Variants in PLXNA2 observed in about 807,000 individuals in gnomAD.
PLXNA2 encodes plexin A2, also known as plexin-A2.
A neutral mutation model predicts 193.5 loss-of-function variants in PLXNA2; 91 were observed. The ratio of observed to expected loss-of-function variants is 0.47; its 90% CI spans 0.40 to 0.56. The LOEUF (loss-of-function observed/expected upper bound fraction) is 0.56. Among genes scored for constraint, PLXNA2 ranks in the 20% least tolerant of loss-of-function variants. The probability of loss-of-function intolerance (pLI) is 0.00; values close to 1 mark genes in which losing one functional copy is unlikely to be tolerated. For missense variants in PLXNA2, 1,995 were observed against 2,503.2 expected, an observed-to-expected ratio of 0.80 and a Z score of 4.33; for synonymous variants, 997 against 1,027.3, an observed-to-expected ratio of 0.97 and a Z score of 0.56.
At chr1:208,179,127 G>A (rs943417780) in intron 3 of PLXNA2, among the ~76,000 whole-genome samples, 2 of 152,172 alleles carry the variant, frequency 1.3e-5, no homozygotes, top group Admixed American at 6.5e-5. Context: ...CCTGTGGGTG[G>A]TTATGGGGAG....
rs559261021 is a variant in PLXNA2, at chr1:208,082,552, A to G, written c.2299-44T>C. On this transcript the variant is annotated intron_variant, in intron 10 of 31. Transcript: ENST00000367033. The surrounding 1 kb of genome is among the most constrained non-coding windows in gnomAD (Gnocchi z 4.2). ...AGGCATGGGGCTCATGTGGCTCTCT[A>G]TCACAGGGGTCAGGGATGCAGACAA... The G allele has an allele frequency of 7.1e-7, 1 of 1,398,796 alleles. No individual in the cohort carries two copies. The highest frequency in any genetic ancestry group is 2.3e-5 in the East Asian group (1 of 43,642). 86.6% of individuals were successfully genotyped at this position (1,398,796 alleles called of 1,614,324 possible).
At chr1:208,212,873 C>T (rs142042703) in intron 2 of PLXNA2, among the ~76,000 whole-genome samples, 130 of 152,376 alleles carry the variant, frequency 8.5e-4, no homozygotes, top group African/African-American at 3.0e-3. Context: ...CCTTTCTCTA[C>T]TGAAACCAGC....
At chr1:208,065,894 T>A (rs1270052810) in intron 12 of PLXNA2, among the ~76,000 whole-genome samples, 1 of 152,204 alleles carries the variant, frequency 6.6e-6, no homozygotes, top group African/African-American at 2.4e-5. Context: ...CCCTCCCTTG[T>A]GGCCATTTCT....
intron 14 of PLXNA2, among the ~76,000 whole-genome samples, chr1:208,053,277 C>T (rs1665322060): frequency 6.6e-6 from 1 of 152,174 alleles, no homozygotes; most frequent in Non-Finnish European, 1.5e-5. Context: ...TCATTCTTTA[C>T]CCCTCTGTCA....
chr1:208,216,232 C>G (rs965085203), intron 2 of PLXNA2, among the ~76,000 whole-genome samples: 2 of 152,246 alleles, frequency 1.3e-5, no homozygotes, highest in South Asian at 2.1e-4. Context: ...GGAATGCTTT[C>G]TCTGGACACT....
intron 1 of PLXNA2, among the ~76,000 whole-genome samples, chr1:208,222,249 T>C (rs142833396): frequency 1.1e-3 from 166 of 152,350 alleles, no homozygotes; most frequent in African/African-American, 3.7e-3. Flanking sequence ...CTCTTAATAA[T>C]GATGCTTTCT....
chr1:208,158,825 T>C (rs1669016138), intron 3 of PLXNA2, among the ~76,000 whole-genome samples: 1 of 152,204 alleles, frequency 6.6e-6, no homozygotes, highest in Admixed American at 6.5e-5. Context: ...CTACAGGTGG[T>C]CTGAGCTGCC....
rs779366596 is a variant in PLXNA2, at chr1:208,042,217, G to A, written c.4167C>T (p.Leu1389=). The change falls in exon 22 of 32, where the codon CTC becomes CTT. Residue 1389 remains leucine, a synonymous_variant. Transcript: ENST00000367033. ...SMRDRGNVAS[L]IMTGLQGRLE... ...GGCGGCCCTGCAGGCCGGTCATGAT[G>A]AGCGAAGCCACGTTGCCCCGGTCGC... The A allele has an allele frequency of 5.6e-6, 9 of 1,614,116 alleles. No individual in the cohort carries two copies. The highest frequency in any genetic ancestry group is 7.6e-6 in the Non-Finnish European group (9 of 1,180,060).
intron 1 of PLXNA2, among the ~76,000 whole-genome samples, chr1:208,237,165 T>C (rs12739500): frequency 0.27 from 41,750 of 152,170 alleles, 6,289 homozygotes; most frequent in Middle Eastern, 0.38. Flanking sequence ...TTAGTATCCC[T>C]CTACCCTCTT....
intron 3 of PLXNA2, among the ~76,000 whole-genome samples, chr1:208,201,719 G>T (rs1670558446): frequency 1.3e-5 from 2 of 151,850 alleles, no homozygotes; most frequent in Non-Finnish European, 2.9e-5. Flanking sequence ...CAACAAATAT[G>T]CAAAGTGCTT....
chr1:208,032,105 A>G, intron 28 of PLXNA2: 7 of 985,434 alleles, frequency 7.1e-6, no homozygotes, highest in Non-Finnish European at 8.4e-6. Context: ...GCCAGTCCGG[A>G]AACAGTGTCC....
intron 3 of PLXNA2, among the ~76,000 whole-genome samples, chr1:208,176,570 G>A (rs1270127947): frequency 6.6e-6 from 1 of 152,210 alleles, no homozygotes; most frequent in African/African-American, 2.4e-5. Context: ...GTAAGGGGAT[G>A]CTGTCCAGGT....
intron 4 of PLXNA2, among the ~76,000 whole-genome samples, chr1:208,138,149 T>C (rs1317874817): frequency 6.6e-6 from 1 of 152,236 alleles, no homozygotes; most frequent in African/African-American, 2.4e-5. Context: ...TTACGATGAT[T>C]CAACTTATGG....
chr1:208,060,667 C>T lies in PLXNA2; in HGVS notation c.2738+19G>A, dbSNP rs562693906. ...CTCTGAAGCTCCCATGGGAAAAGGG[C>T]TGGCCAGGGCGGACTCACTGCTCAG... On this transcript the variant is annotated intron_variant, in intron 13 of 31. Transcript: ENST00000367033. The T allele has an allele frequency of 1.9e-6, 3 of 1,598,888 alleles. No individual in the cohort carries two copies. The Admixed American group carries it at 5.1e-5, about 27-fold the overall frequency.
intron 3 of PLXNA2, among the ~76,000 whole-genome samples, chr1:208,192,306 TG>T (rs1156753675): frequency 8.8e-6 from 1 of 113,008 alleles, no homozygotes; most frequent in Non-Finnish European, 1.8e-5. Context: ...GGTTTGGGGA[TG>T]GTGTGTGTGT....
chr1:208,235,273 CA>C (rs1259922349), intron 1 of PLXNA2, among the ~76,000 whole-genome samples: 3 of 152,182 alleles, frequency 2.0e-5, no homozygotes, highest in East Asian at 3.8e-4. Flanking sequence ...TATTCTTTAG[CA>C]TAGAGATTTT....
At chr1:208,096,926 G>A (rs1220938611) in intron 6 of PLXNA2, 43 bp from the exon 7 acceptor site, 1 of 1,583,280 alleles carries the variant, frequency 6.3e-7, no homozygotes, top group Admixed American at 1.8e-5. Context: ...AATGCCTCAG[G>A]AGACCTGGAC....
intron 3 of PLXNA2, among the ~76,000 whole-genome samples, chr1:208,171,101 T>C (rs1227804419): frequency 6.6e-6 from 1 of 152,162 alleles, no homozygotes; most frequent in Non-Finnish European, 1.5e-5. Flanking sequence ...CCAGGGGACA[T>C]AGATTAAAGG....
At chr1:208,110,225 T>A (rs1188232358) in intron 4 of PLXNA2, among the ~76,000 whole-genome samples, 1 of 152,166 alleles carries the variant, frequency 6.6e-6, no homozygotes, top group Non-Finnish European at 1.5e-5. Flanking sequence ...TCTTACTCCA[T>A]CCCCTTTGGC....
Sources: allele counts gnomAD v4.1 joint callset (sites outside exome capture counted in the v4.1 genomes callset), GRCh38; gene constraint gnomAD v4.1.1; non-coding constraint Gnocchi (gnomAD v3.1); transcripts MANE v1.5; gene names NCBI Gene and HGNC (gene_info 2026-07-23, HGNC 2026-07-21).